HDAC7: variants seen among roughly 807,000 people sequenced by gnomAD.
The protein encoded by HDAC7 is histone deacetylase 7.
HDAC7 carries 26 observed loss-of-function variants against 115.5 expected under a neutral mutation model. That is an observed-to-expected ratio of 0.23 (90% CI 0.16 to 0.31). HDAC7 has a LOEUF of 0.31. Ranked by LOEUF, HDAC7 falls within the 10% of genes least tolerant of loss-of-function variation. The pLI is 1.00. For synonymous variants in HDAC7, 564 were observed against 550.9 expected (o/e 1.02, Z -0.33); for missense variants, 1,068 against 1,329.0 (o/e 0.80, Z 3.05).
At chr12:47,804,576 T>TCTAG (rs1210759353) in intron 1 of HDAC7, among the ~76,000 whole-genome samples, 2 of 151,792 alleles carry the variant, frequency 1.3e-5, no homozygotes, top group East Asian at 3.9e-4. Context: ...AGGAATACTG[T>TCTAG]CTAGCACAGG....
rs1006341533 is a variant in HDAC7 at position 47,798,242 on chromosome 12, G to A, written c.350-23C>T. On this transcript the variant is annotated intron_variant, in intron 4 of 25. Coordinates refer to ENST00000080059, the MANE Select transcript of HDAC7 (RefSeq NM_015401.5). The surrounding 1 kb of genome is among the most constrained non-coding windows in gnomAD (Gnocchi z 4.3). ...CACCTGTAGGGGCAGAGTCAGGAGG[G>A]GGCTGGAGGTGGGTGGACAGGCGGC... 6.3e-7 allele frequency: 1 copy of A among 1,585,234 alleles called. No individual in the cohort carries two copies. The highest frequency in any genetic ancestry group is 8.7e-7 in the Non-Finnish European group (1 of 1,154,554).
In HDAC7 at chr12:47,794,794, G is replaced by T; in HGVS notation, c.1424C>A (p.Ala475Asp). 1 of 1,611,240 alleles carries T rather than the reference G, an allele frequency of 6.2e-7. No homozygotes were observed. Among genetic ancestry groups the T allele is most frequent in the Admixed American group, 1.7e-5 (1 of 59,750 alleles). ...CTGCTGGAGAGGAGCGGGGCCTCTGGCCTCAGGCTGCCCATGGCCCAGCTC... is the reference window on the plus strand; with the variant it reads ...CTGCTGGAGAGGAGCGGGGCCTCTGTCCTCAGGCTGCCCATGGCCCAGCTC... ...HRELGHGQPE[A>D]RGPAPLQQHP... Residue 475 changes from alanine to aspartate, a missense_variant, in exon 12 of 26, where the codon GCC becomes GAC. By Grantham distance (126) the Ala-to-Asp change is moderately radical (BLOSUM62 -2). Transcript: ENST00000080059.
chr12:47,784,682 T>C (rs3815138), intron 24 of HDAC7: 1,185,976 of 1,526,266 alleles, frequency 0.78, 462,532 homozygotes, highest in East Asian at 0.92. Context: ...GAACACAACA[T>C]GGGAGAACTG....
intron 7 of HDAC7, 31 bp downstream of exon 7, chr12:47,796,986 T>C (rs753815553): frequency 5.3e-6 from 8 of 1,513,740 alleles, no homozygotes; most frequent in Non-Finnish European, 8.8e-7. Context: ...GGTTTGAGGA[T>C]GGCAACCGCA....
intron 1 of HDAC7, 90 bp downstream of exon 1, chr12:47,819,677 A>AGCCGGG (rs1944965530): frequency 4.7e-6 from 1 of 213,158 alleles, no homozygotes. Flanking sequence ...CCGGAGCCGG[A>AGCCGGG]GCCGGGGCCA....
intron 1 of HDAC7, among the ~76,000 whole-genome samples, chr12:47,807,050 C>A (rs12828577): frequency 0.078 from 11,839 of 152,002 alleles, 576 homozygotes; most frequent in African/African-American, 0.14. Flanking sequence ...AGTGATTCTC[C>A]TCCCTCAGCC....
chr12:47,809,276 C>T (rs1340427424), intron 1 of HDAC7, among the ~76,000 whole-genome samples: 2 of 152,124 alleles, frequency 1.3e-5, no homozygotes, highest in Non-Finnish European at 2.9e-5. Flanking sequence ...AGACCCTGCC[C>T]CTCTGTGTAC....
rs1309727799 is a variant in HDAC7 at position 47,785,367 on chromosome 12, T to C, written c.2791+20A>G. On this transcript the variant is annotated intron_variant, in intron 24 of 25. Coordinates refer to ENST00000080059, the MANE Select transcript of HDAC7 (RefSeq NM_015401.5). ...GATCCTTCAGTCTGAGCTCAGCGAG[T>C]GTCCCATCTCCACACTTACTGTGCA... 3 of 1,582,652 alleles carry C rather than the reference T, an allele frequency of 1.9e-6. No homozygotes were observed. Among genetic ancestry groups the C allele is most frequent in the Non-Finnish European group, 2.6e-6 (3 of 1,162,228 alleles).
chr12:47,811,958 G>A (rs1944687430), intron 1 of HDAC7, among the ~76,000 whole-genome samples: 1 of 152,226 alleles, frequency 6.6e-6, no homozygotes, highest in African/African-American at 2.4e-5. Flanking sequence ...GAGCCGCTGT[G>A]CTGGGAATAC....
At chr12:47,805,160 T>A (rs1441732918) in intron 1 of HDAC7, among the ~76,000 whole-genome samples, 1 of 151,574 alleles carries the variant, frequency 6.6e-6, no homozygotes, top group Non-Finnish European at 1.5e-5. Context: ...AGCGTTGACC[T>A]CCTGGGCTCA....
At chr12:47,806,733 A>G (rs74888637) in intron 1 of HDAC7, among the ~76,000 whole-genome samples, 5,775 of 152,134 alleles carry the variant, frequency 0.038, 164 homozygotes, top group African/African-American at 0.077. Flanking sequence ...TACTTCAAAG[A>G]GGTCACCTGA....
rs1042653501 is a variant in HDAC7, at chr12:47,797,555, G to C, written c.462-56C>G. 6.0e-6 allele frequency: 8 copies of C among 1,343,404 alleles called. No homozygotes were observed. In the African/African-American group the frequency reaches 8.7e-5, roughly 15 times the overall value. 83.2% of individuals were successfully genotyped at this position (1,343,404 alleles called of 1,614,324 possible). A position where few individuals can be genotyped will look rare whatever the true frequency, so the allele number is the denominator to read the frequency against. On this transcript the variant is annotated intron_variant, in intron 5 of 25. Transcript: ENST00000080059. The surrounding 1 kb of genome is among the most constrained non-coding windows in gnomAD (Gnocchi z 5.5). The stretch of plus-strand genomic sequence containing the variant: ...GGTGTGGGGACACTGCACGGGCACT[G>C]CCCTGAGCACGGGCCCTGGGACCTG...
At chr12:47,819,601 G>A (rs981992161) in intron 1 of HDAC7, among the ~76,000 whole-genome samples, 166 bp downstream of exon 1, 1 of 150,954 alleles carries the variant, frequency 6.6e-6, no homozygotes, top group African/African-American at 2.4e-5. Flanking sequence ...AGCCGGGCGG[G>A]ACAGGCGCGG....
At position 47,791,703 on chromosome 12, in the gene HDAC7, G is replaced by A; in HGVS notation, c.1816C>T (p.Leu606Phe). 1 of 1,613,682 alleles carries A rather than the reference G, an allele frequency of 6.2e-7. No homozygotes were observed. The highest frequency in any genetic ancestry group is 8.5e-7 in the Non-Finnish European group (1 of 1,179,940). ...ERGLRSQCEC[L>F]RGRKASLEEL... ...TCCAGGGAGGCCTTCCGGCCTCGGA[G>A]ACACTGAAAAGGGGACCACAGAGCT... The change falls in exon 15 of 26, where the codon CTC becomes TTC. Residue 606 changes from leucine to phenylalanine, a missense_variant. By Grantham distance (22) the Leu-to-Phe change is conservative (BLOSUM62 0). Coordinates refer to ENST00000080059, the MANE Select transcript of HDAC7 (RefSeq NM_015401.5).
intron 1 of HDAC7, among the ~76,000 whole-genome samples, chr12:47,804,555 C>G (rs1944311395): frequency 6.6e-6 from 1 of 151,724 alleles, no homozygotes. Context: ...AGTAAATGGA[C>G]CCAAGGTACC....
chr12:47,802,249 G>A lies in HDAC7; in HGVS notation c.45C>T (p.Ala15=). 6.2e-7 allele frequency: 1 copy of A among 1,613,996 alleles called. No homozygotes were observed. The highest frequency in any genetic ancestry group is 8.5e-7 in the Non-Finnish European group (1 of 1,179,994). ...GADGTQVSPG[A]HYCSPTGAGC... Reference sequence around the variant, plus strand: ...CTGCGCCAGTGGGGCTGCAGTAGTGGGCACCCGGGCTCACCTGGGTCCCAT... The same window carrying A: ...CTGCGCCAGTGGGGCTGCAGTAGTGAGCACCCGGGCTCACCTGGGTCCCAT... The change falls in exon 2 of 26, where the codon GCC becomes GCT. Residue 15 remains alanine, a synonymous_variant. Transcript: ENST00000080059.
At chr12:47,786,122 A>G (rs1565792422) in intron 22 of HDAC7, 1 of 509,268 alleles carries the variant, frequency 2.0e-6, no homozygotes, top group Non-Finnish European at 3.4e-6. Flanking sequence ...AGTGGCAGCA[A>G]GGTAGGACCT....
chr12:47,798,890 C>T lies in HDAC7; in HGVS notation c.153G>A (p.Glu51=). ...CCAGCAATGTGGGCTCTGGTGGGGGCTCCACTGGGGGCCGCTGGCCCACCC... is the reference window on the plus strand; with the variant it reads ...CCAGCAATGTGGGCTCTGGTGGGGGTTCCACTGGGGGCCGCTGGCCCACCC... ...DLRVGQRPPV[E]PPPEPTLLAL... is the part of the protein sequence containing the mutation. Residue 51 remains glutamate (E), a synonymous_variant, in exon 3 of 26, where the codon GAG becomes GAA. Coordinates refer to ENST00000080059, the MANE Select transcript of HDAC7 (RefSeq NM_015401.5). The surrounding 1 kb of genome is among the most constrained non-coding windows in gnomAD (Gnocchi z 4.3). 1 of 1,542,188 alleles carries T rather than the reference C, an allele frequency of 6.5e-7. No individual in the cohort carries two copies. The highest frequency in any genetic ancestry group is 8.7e-7 in the Non-Finnish European group (1 of 1,147,382).
chr12:47,805,321 C>T (rs1944353950), intron 1 of HDAC7, among the ~76,000 whole-genome samples: 1 of 151,812 alleles, frequency 6.6e-6, no homozygotes, highest in Admixed American at 6.6e-5. Flanking sequence ...TGGGCTCAAG[C>T]GATCCTCCCC....
Sources: allele counts gnomAD v4.1 joint callset (sites outside exome capture counted in the v4.1 genomes callset), GRCh38; gene constraint gnomAD v4.1.1; non-coding constraint Gnocchi (gnomAD v3.1); transcripts MANE v1.5; gene names NCBI Gene and HGNC (gene_info 2026-07-23, HGNC 2026-07-21).